INTS2: variants seen among roughly 807,000 people sequenced by gnomAD.
The protein encoded by INTS2 is KIAA1287.
A neutral mutation model predicts 139.6 loss-of-function variants in INTS2; 57 were observed. That is an observed-to-expected ratio of 0.41 (90% confidence interval 0.33 to 0.51). The LOEUF is 0.51. Ranked by LOEUF, INTS2 falls within the 20% of genes least tolerant of loss-of-function variation. The pLI, the probability that INTS2 is intolerant of heterozygous loss-of-function variation, is 0.28. For synonymous variants in INTS2, 473 were observed against 493.4 expected, an observed-to-expected ratio of 0.96 and a Z score of 0.55; for missense variants, 1,196 against 1,436.7, an observed-to-expected ratio of 0.83 and a Z score of 2.71.
chr17:61,897,429 A>G lies in INTS2; in HGVS notation c.1494+40T>C. 8.2e-7 allele frequency: 1 copy of G among 1,212,828 alleles called. No individual in the cohort carries two copies. Among genetic ancestry groups the G allele is most frequent in the South Asian group, 1.4e-5 (1 of 70,168 alleles). The allele number at this position is 1,212,828 out of a possible 1,614,324, so 75.1% of individuals were successfully genotyped here. Reference sequence around the variant, plus strand: ...CTACAACAAAATGTCCAGCTTAGAAACACCTTTTTTTTTTTAGAAAGAAGT... The same window carrying G: ...CTACAACAAAATGTCCAGCTTAGAAGCACCTTTTTTTTTTTAGAAAGAAGT... On this transcript the variant is annotated intron_variant, in intron 11 of 24. Coordinates refer to ENST00000251334, the MANE Select transcript of INTS2 (RefSeq NM_001351695.2). This position sits in a 1 kb window ranked among gnomAD's most constrained non-coding sequence, Gnocchi z 4.4.
intron 5 of INTS2, among the ~76,000 whole-genome samples, chr17:61,918,886 C>T (rs1380880342): frequency 6.6e-6 from 1 of 151,402 alleles, no homozygotes. Flanking sequence ...CTTCTTTGAT[C>T]CCTGATTATA....
Position 61,878,931 on chromosome 17 carries a change from C to CAAAAAAAA in INTS2, c.2255-851_2255-844dup, listed in dbSNP as rs35652350. 3.6e-4 allele frequency among the ~76,000 whole-genome samples: 17 copies of CAAAAAAAA among 46,638 alleles called. 2 individuals are homozygous for CAAAAAAAA. Among genetic ancestry groups the CAAAAAAAA allele is most frequent in the African/African-American group, 1.6e-3 (15 of 9,574 alleles). 30.6% of individuals were successfully genotyped at this position (46,638 alleles called of 152,430 possible). On this transcript the variant is annotated intron_variant, in intron 17 of 24. Transcript: ENST00000251334. ...GAGACTGGGCAACAGACCCTGTCTC[C>CAAAAAAAA]AAAAAAAAAAAAAAAAAAAAAAACA...
At chr17:61,926,258 T>G in intron 2 of INTS2, 94 bp downstream of exon 2, 1 of 1,019,892 alleles carries the variant, frequency 9.8e-7, no homozygotes, top group Non-Finnish European at 1.4e-6. Context: ...AGAATTTAGA[T>G]TCTCATTCTC....
chr17:61,887,515 C>T (rs933010114), intron 15 of INTS2, among the ~76,000 whole-genome samples: 2 of 149,122 alleles, frequency 1.3e-5, no homozygotes, highest in African/African-American at 2.5e-5. Flanking sequence ...TATATGTGCA[C>T]GATTAAAAAG....
intron 9 of INTS2, among the ~76,000 whole-genome samples, chr17:61,900,485 C>A (rs1054977067): frequency 1.3e-5 from 2 of 152,156 alleles, no homozygotes; most frequent in African/African-American, 4.8e-5. Flanking sequence ...GATTATACTG[C>A]AGGCTGATAT....
At chr17:61,888,551 G>A (rs554588334) in intron 15 of INTS2, among the ~76,000 whole-genome samples, 18 of 117,180 alleles carry the variant, frequency 1.5e-4, no homozygotes, top group Non-Finnish European at 2.7e-4. Flanking sequence ...CTCTGTGTGC[G>A]TGTGTGTGCG....
chr17:61,888,810 G>A lies in INTS2; in HGVS notation c.1984+976C>T, dbSNP rs187018625. On this transcript the variant is annotated intron_variant, in intron 15 of 24. Coordinates refer to ENST00000251334, the MANE Select transcript of INTS2 (RefSeq NM_001351695.2). ...GAGGCCGAGGCAGGCGGATCACGAG[G>A]TTAGGAGATGAAGACCATCCTGGCT... is the stretch of plus-strand genomic sequence containing the variant. 1.5e-3 allele frequency among the ~76,000 whole-genome samples: 231 copies of A among 152,158 alleles called. 1 individual carries two copies. The highest frequency in any genetic ancestry group is 5.5e-3 in the African/African-American group (230 of 41,534).
chr17:61,869,667 T>C lies in INTS2; in HGVS notation c.3030+70A>G, dbSNP rs2079073328. ...TTCTCTGGTTTCTAAATGATCCCTG[T>C]TAATATAGTATTCAAAGCCCCCAAG... On this transcript the variant is annotated intron_variant, in intron 21 of 24. Coordinates refer to ENST00000251334, the MANE Select transcript of INTS2 (RefSeq NM_001351695.2). The surrounding 1 kb of genome is among the most constrained non-coding windows in gnomAD (Gnocchi z 5.4). The C allele has an allele frequency of 1.3e-6, 2 of 1,516,304 alleles. No individual in the cohort carries two copies. The highest frequency in any genetic ancestry group is 3.6e-5 in the Admixed American group (2 of 54,940). The allele number at this position is 1,516,304 out of a possible 1,614,324, so 93.9% of individuals were successfully genotyped here. A position where few individuals can be genotyped will look rare whatever the true frequency, so the allele number is the denominator to read the frequency against.
At chr17:61,898,432 CTACAGGCA>C (rs1335566286) in intron 9 of INTS2, among the ~76,000 whole-genome samples, 1 of 151,506 alleles carries the variant, frequency 6.6e-6, no homozygotes, top group Admixed American at 6.6e-5. Context: ...GTAGTTGGGA[CTACAGGCA>C]TGCGCTACTG....
intron 3 of INTS2, among the ~76,000 whole-genome samples, chr17:61,923,260 G>A (rs374903580): frequency 2.0e-5 from 3 of 150,996 alleles, no homozygotes; most frequent in East Asian, 2.0e-4. Flanking sequence ...GGCGGATCAC[G>A]AGATCAGGAG....
intron 5 of INTS2, among the ~76,000 whole-genome samples, chr17:61,916,080 A>C (rs1017485593): frequency 1.3e-5 from 2 of 152,172 alleles, no homozygotes; most frequent in Admixed American, 1.3e-4. Context: ...GCATCACATT[A>C]TCTAACTTCA....
chr17:61,896,241 AAAAAAAAAAAC>A lies in INTS2; in HGVS notation c.1495-869_1495-859del, dbSNP rs1202376656. ...GGCGACAGAGCAAGACTCCATCTCAAAAAAAAAAAACAAAAAAAAAACATTTAATATACTAC... is the reference window on the plus strand; with the variant it reads ...GGCGACAGAGCAAGACTCCATCTCAAAAAAAAAAAACATTTAATATACTAC... On this transcript the variant is annotated intron_variant, in intron 11 of 24. Transcript: ENST00000251334. Among the ~76,000 whole-genome samples the A allele has an allele frequency of 2.0e-5, 3 of 149,030 alleles. No individual in the cohort carries two copies. In the Admixed American group the frequency reaches 2.0e-4, roughly 10 times the overall value.
intron 17 of INTS2, among the ~76,000 whole-genome samples, chr17:61,879,826 C>G (rs1423089008): frequency 6.6e-6 from 1 of 151,982 alleles, no homozygotes; most frequent in Non-Finnish European, 1.5e-5. Context: ...GGCAACAGAA[C>G]AAGGCTCTGT....
At chr17:61,905,220 T>G (rs1390308742) in intron 8 of INTS2, among the ~76,000 whole-genome samples, 1 of 152,010 alleles carries the variant, frequency 6.6e-6, no homozygotes, top group Non-Finnish European at 1.5e-5. Flanking sequence ...GGATTACAGG[T>G]GTAAGTCACT....
intron 18 of INTS2, among the ~76,000 whole-genome samples, chr17:61,877,541 A>T (rs1012262481): frequency 3.3e-5 from 5 of 152,142 alleles, no homozygotes; most frequent in Non-Finnish European, 7.4e-5. Flanking sequence ...AGTGGTAAAA[A>T]CTCTCCAGGT....
intron 5 of INTS2, among the ~76,000 whole-genome samples, chr17:61,918,207 CTATCAA>C (rs1358008603): frequency 6.6e-6 from 1 of 152,168 alleles, no homozygotes; most frequent in Non-Finnish European, 1.5e-5. Context: ...AACTATTACA[CTATCAA>C]TATCTCCATT....
intron 15 of INTS2, chr17:61,885,360 G>T (rs543578021): frequency 6.5e-5 from 13 of 201,218 alleles, no homozygotes; most frequent in Middle Eastern, 2.0e-3. Context: ...ATGAACATAT[G>T]GCCTAGAGCT....
Position 61,893,688 on chromosome 17 carries a change from C to A in INTS2, c.1698+77G>T. The A allele has an allele frequency of 8.9e-7, 1 of 1,117,446 alleles. No homozygotes were observed. Among genetic ancestry groups the A allele is most frequent in the Admixed American group, 3.5e-5 (1 of 28,224 alleles). The allele number at this position is 1,117,446 out of a possible 1,614,324, so 69.2% of individuals were successfully genotyped here. A position where few individuals can be genotyped will look rare whatever the true frequency, so the allele number is the denominator to read the frequency against. ...CCAACCTGGGTGACTGAGCAAGACT[C>A]CATCTCAAAAGAAAAAAAATATATA... is the stretch of plus-strand genomic sequence containing the variant. On this transcript the variant is annotated intron_variant, in intron 13 of 24. Coordinates refer to ENST00000251334, the MANE Select transcript of INTS2 (RefSeq NM_001351695.2). The surrounding 1 kb of genome is among the most constrained non-coding windows in gnomAD (Gnocchi z 5.4).
Position 61,870,127 on chromosome 17 carries a change from G to T in INTS2, c.2779-139C>A. On this transcript the variant is annotated intron_variant, in intron 20 of 24. Transcript: ENST00000251334. The surrounding 1 kb of genome is among the most constrained non-coding windows in gnomAD (Gnocchi z 4.4). The stretch of plus-strand genomic sequence containing the variant: ...CATACACAAAGAGGTACTTCTAAGA[G>T]CAGAACTGAGCAATCTGTAGAGCAG... The T allele has an allele frequency of 1.3e-6, 1 of 772,372 alleles. No homozygotes were observed. The highest frequency in any genetic ancestry group is 2.0e-6 in the Non-Finnish European group (1 of 496,288). 47.8% of individuals were successfully genotyped at this position (772,372 alleles called of 1,614,324 possible).
Sources: gnomAD v4.1 joint callset for allele counts (sites outside exome capture counted in the v4.1 genomes callset) on GRCh38, gnomAD v4.1.1 for gene constraint, Gnocchi (gnomAD v3.1) non-coding constraint, MANE v1.5 for transcripts, NCBI Gene and HGNC (gene_info 2026-07-23, HGNC 2026-07-21) for gene names.